Variants in LRRIQ3 observed in about 807,000 individuals in gnomAD.
The protein encoded by LRRIQ3 is leucine-rich repeat and IQ domain-containing protein 3.
A neutral mutation model predicts 59.3 loss-of-function variants in LRRIQ3; 75 were observed. The ratio of observed to expected loss-of-function variants is 1.26; its 90% confidence interval spans 1.05 to 1.53. The LOEUF (loss-of-function observed/expected upper bound fraction) is 1.53, where lower values mean the gene tolerates loss of function less well. LRRIQ3 is among the 40% of genes most tolerant of loss of function. LRRIQ3 has a pLI of 0.00. For missense variants in LRRIQ3, 831 were observed against 710.0 expected (o/e 1.17, Z -1.94); for synonymous variants, 250 against 231.3 (o/e 1.08, Z -0.73).
At chr1:74,180,937 T>C in intron 3 of LRRIQ3, 1 of 703,476 alleles carries the variant, frequency 1.4e-6, no homozygotes, top group South Asian at 2.1e-5. Context: ...TAACACTAGC[T>C]GACATTTTAT....
chr1:74,102,472 A>G (rs1256512152), intron 5 of LRRIQ3, among the ~76,000 whole-genome samples: 1 of 152,028 alleles, frequency 6.6e-6, no homozygotes, highest in Admixed American at 6.6e-5. Flanking sequence ...AGTAAAAGAC[A>G]AGTGTTGGTA....
chr1:74,140,982 C>T (rs1647230457), intron 4 of LRRIQ3, among the ~76,000 whole-genome samples: 1 of 151,780 alleles, frequency 6.6e-6, no homozygotes, highest in Non-Finnish European at 1.5e-5. Context: ...TTGACAACCT[C>T]ACCCAATCAG....
chr1:74,193,328 A>G lies in LRRIQ3; in HGVS notation c.-1+4668T>C, dbSNP rs558806774. The stretch of plus-strand genomic sequence containing the variant: ...AAAGAAATTCTGCAGTTAAAAATAA[A>G]TCAGTACCATTATCAGCAAACCTTT... On this transcript the variant is annotated intron_variant, in intron 1 of 7. Coordinates refer to ENST00000354431, the MANE Select transcript of LRRIQ3 (RefSeq NM_001105659.2). Among the ~76,000 whole-genome samples, 8 of 152,282 alleles carry G rather than the reference A, an allele frequency of 5.3e-5. No individual in the cohort carries two copies. In the South Asian group the frequency reaches 1.7e-3, roughly 32 times the overall value.
At chr1:74,168,270 A>G (rs1649114568) in intron 3 of LRRIQ3, among the ~76,000 whole-genome samples, 1 of 151,952 alleles carries the variant, frequency 6.6e-6, no homozygotes. Flanking sequence ...TTATTGTTTA[A>G]TGCATCCCCA....
At chr1:74,063,505 G>C (rs1044182520) in intron 6 of LRRIQ3, among the ~76,000 whole-genome samples, 1 of 151,946 alleles carries the variant, frequency 6.6e-6, no homozygotes, top group African/African-American at 2.4e-5. Context: ...AATTCTTATT[G>C]TTGCATTGTC....
intron 4 of LRRIQ3, among the ~76,000 whole-genome samples, chr1:74,131,493 C>A (rs557005426): frequency 5.9e-5 from 9 of 152,094 alleles, no homozygotes; most frequent in Non-Finnish European, 1.2e-4. Context: ...ACTGGCAAAC[C>A]GAATCCAGCA....
chr1:74,097,987 A>G (rs935057751), intron 5 of LRRIQ3, among the ~76,000 whole-genome samples: 1 of 152,232 alleles, frequency 6.6e-6, no homozygotes, highest in Admixed American at 6.5e-5. Context: ...CTAGGAAGAA[A>G]CTGCATCAAC....
At chr1:74,093,965 C>T (rs186056674) in intron 5 of LRRIQ3, among the ~76,000 whole-genome samples, 3 of 152,128 alleles carry the variant, frequency 2.0e-5, no homozygotes, top group Admixed American at 6.6e-5. Flanking sequence ...TGGCTTAAAA[C>T]ATAGTCTTTT....
At chr1:74,034,983 T>C (rs571083794) in intron 7 of LRRIQ3, among the ~76,000 whole-genome samples, 2 of 152,112 alleles carry the variant, frequency 1.3e-5, no homozygotes, top group South Asian at 4.1e-4. Flanking sequence ...CCAGTTTCAA[T>C]CTAATATCAG....
intron 3 of LRRIQ3, among the ~76,000 whole-genome samples, chr1:74,158,422 T>C (rs748461062): frequency 4.7e-4 from 71 of 152,300 alleles, no homozygotes; most frequent in Admixed American, 7.8e-4. Flanking sequence ...CAATTTATCC[T>C]ACATAGAATT....
chr1:74,141,646 A>G (rs1278703050), intron 4 of LRRIQ3, among the ~76,000 whole-genome samples: 1 of 151,944 alleles, frequency 6.6e-6, no homozygotes, highest in East Asian at 1.9e-4. Flanking sequence ...ATTTCTAAAT[A>G]TGTATTAGAT....
At chr1:74,137,350 C>G (rs1647140535) in intron 4 of LRRIQ3, among the ~76,000 whole-genome samples, 1 of 152,010 alleles carries the variant, frequency 6.6e-6, no homozygotes, top group African/African-American at 2.4e-5. Context: ...AAAAGCTCAT[C>G]ATCACTGGTC....
chr1:74,179,269 TTCC>T (rs2100717181), intron 3 of LRRIQ3, among the ~76,000 whole-genome samples: 1 of 152,178 alleles, frequency 6.6e-6, no homozygotes, highest in South Asian at 2.1e-4. Context: ...GAACCCATGC[TTCC>T]TCGTTTTTTT....
intron 4 of LRRIQ3, among the ~76,000 whole-genome samples, chr1:74,122,554 C>T (rs561533065): frequency 6.6e-6 from 1 of 152,052 alleles, no homozygotes; most frequent in Non-Finnish European, 1.5e-5. Context: ...TCTTTGACAA[C>T]TCTGACAAAA....
chr1:74,169,894 A>G (rs1225954355), intron 3 of LRRIQ3, among the ~76,000 whole-genome samples: 1 of 151,786 alleles, frequency 6.6e-6, no homozygotes, highest in Non-Finnish European at 1.5e-5. Context: ...TCATTCTTTG[A>G]TTTTCATTTC....
intron 5 of LRRIQ3, among the ~76,000 whole-genome samples, chr1:74,087,472 T>C (rs1214765101): frequency 6.7e-6 from 1 of 149,738 alleles, no homozygotes; most frequent in African/African-American, 2.5e-5. Flanking sequence ...TATAAACGTA[T>C]TGGTCTCTAT....
intron 1 of LRRIQ3, among the ~76,000 whole-genome samples, chr1:74,193,638 G>A (rs1032547745): frequency 1.3e-5 from 2 of 152,076 alleles, no homozygotes; most frequent in Admixed American, 6.6e-5. Context: ...TCTTTGCTGA[G>A]TGTACTAATT....
intron 6 of LRRIQ3, among the ~76,000 whole-genome samples, chr1:74,048,373 T>A (rs1411506299): frequency 6.6e-6 from 1 of 152,208 alleles, no homozygotes; most frequent in African/African-American, 2.4e-5. Context: ...GTTCCTAGAA[T>A]GTCCAAAATG....
intron 4 of LRRIQ3, 182 bp downstream of exon 4, chr1:74,155,551 T>G: frequency 2.5e-6 from 1 of 393,784 alleles, no homozygotes; most frequent in South Asian, 7.7e-5. Context: ...CAAATGTTGA[T>G]TATGTTAAAT....
Sources: allele counts gnomAD v4.1 joint callset (sites outside exome capture counted in the v4.1 genomes callset), GRCh38; gene constraint gnomAD v4.1.1; transcripts MANE v1.5; gene names NCBI Gene and HGNC (gene_info 2026-07-23, HGNC 2026-07-21).